Variants in LRP1B observed in about 807,000 individuals in gnomAD.
The protein encoded by LRP1B is low-density lipoprotein receptor-related protein 1B.
A neutral mutation model predicts 556.6 loss-of-function variants in LRP1B; 217 were observed. That is an observed-to-expected ratio of 0.39 (90% CI 0.35 to 0.44). LRP1B has a LOEUF of 0.44. Ranked by LOEUF, LRP1B falls within the 20% of genes least tolerant of loss-of-function variation. LRP1B has a pLI of 1.00. For missense variants in LRP1B, 5,053 were observed against 5,620.8 expected, an observed-to-expected ratio of 0.90 and a Z score of 3.23; for synonymous variants, 2,047 against 1,865.8, an observed-to-expected ratio of 1.10 and a Z score of -2.50.
At chr2:140,347,690 A>G (rs974125383) in intron 77 of LRP1B, among the ~76,000 whole-genome samples, 2 of 151,970 alleles carry the variant, frequency 1.3e-5, no homozygotes, top group African/African-American at 4.8e-5. Context: ...CTGACAATGG[A>G]GTTACAACTA....
intron 18 of LRP1B, among the ~76,000 whole-genome samples, chr2:140,961,268 T>G (rs1359081130): frequency 6.6e-6 from 1 of 152,020 alleles, no homozygotes; most frequent in Non-Finnish European, 1.5e-5. Context: ...TATCCTTCTA[T>G]TTGTCAAAAG....
chr2:140,444,576 A>C lies in LRP1B; in HGVS notation c.10161T>G (p.Asp3387Glu), dbSNP rs748486357. The change falls in exon 64 of 91, where the codon GAT becomes GAG. Residue 3387 changes from aspartate (D) to glutamate (E), a missense_variant. Asp to Glu is a conservative substitution (Grantham distance 45, BLOSUM62 2). Around this residue, in one of 5 missense-constraint regions of LRP1B, gnomAD observed 262 missense variants for 395.1 expected, o/e 0.66. Transcript: ENST00000389484. The stretch of plus-strand genomic sequence containing the variant: ...TTAATCACCTACCACAGTTGAGTTC[A>C]TCAGAATTGTCTCCACAATCATTCT... ...DGENDCGDNS[D>E]ELNCDTHVCL... is the part of the protein sequence containing the mutation. 6.2e-7 allele frequency: 1 copy of C among 1,613,610 alleles called. No individual in the cohort carries two copies. Among genetic ancestry groups the C allele is most frequent in the Non-Finnish European group, 8.5e-7 (1 of 1,179,656 alleles).
At chr2:140,835,052 T>C (rs1281818420) in intron 31 of LRP1B, among the ~76,000 whole-genome samples, 2 of 152,168 alleles carry the variant, frequency 1.3e-5, no homozygotes, top group East Asian at 3.8e-4. Context: ...CTTTTCTCAA[T>C]GGTTTTGAAA....
At chr2:141,169,304 AAAT>A (rs1290116764) in intron 7 of LRP1B, among the ~76,000 whole-genome samples, 3 of 147,012 alleles carry the variant, frequency 2.0e-5, no homozygotes, top group Non-Finnish European at 4.5e-5. Context: ...ATAAATAAAT[AAAT>A]AAATAAATAA....
intron 3 of LRP1B, among the ~76,000 whole-genome samples, chr2:141,346,918 G>T (rs766105835): frequency 3.5e-4 from 53 of 151,700 alleles, no homozygotes; most frequent in Non-Finnish European, 6.8e-4. Context: ...CATTCTTGTG[G>T]TTTTACTTCT....
chr2:141,538,435 G>A (rs527557064), intron 2 of LRP1B, among the ~76,000 whole-genome samples: 19 of 151,916 alleles, frequency 1.3e-4, no homozygotes, highest in Non-Finnish European at 2.6e-4. Flanking sequence ...AGCCTTTTTA[G>A]CTTTTTTAAT....
intron 7 of LRP1B, among the ~76,000 whole-genome samples, chr2:141,171,139 G>A (rs1253459238): frequency 1.3e-5 from 2 of 151,862 alleles, no homozygotes; most frequent in Non-Finnish European, 2.9e-5. Context: ...ATCTTGCCTT[G>A]GTGTGTTAAC....
At chr2:140,352,858 G>A (rs1682035159) in intron 76 of LRP1B, 95 bp downstream of exon 76, 1 of 1,198,974 alleles carries the variant, frequency 8.3e-7, no homozygotes, top group Non-Finnish European at 1.2e-6. Context: ...TATCAGAAAT[G>A]AAGCTGTTGC....
intron 2 of LRP1B, among the ~76,000 whole-genome samples, chr2:141,606,261 C>T (rs536432940): frequency 5.3e-5 from 8 of 152,140 alleles, no homozygotes; most frequent in Non-Finnish European, 1.0e-4. Flanking sequence ...AGATTGAACA[C>T]TGAAAATAAT....
At chr2:141,496,462 A>T (rs781213877) in intron 2 of LRP1B, among the ~76,000 whole-genome samples, 6 of 152,096 alleles carry the variant, frequency 3.9e-5, no homozygotes, top group Non-Finnish European at 8.8e-5. Flanking sequence ...GCCTCCTAAA[A>T]GTAGACTTAA....
intron 7 of LRP1B, among the ~76,000 whole-genome samples, chr2:141,172,384 T>C (rs143501239): frequency 0.015 from 2,236 of 152,186 alleles, 22 homozygotes; most frequent in Middle Eastern, 0.041. Flanking sequence ...AAGACCACTT[T>C]CCAGAAAATG....
At chr2:140,604,265 A>C (rs1456493904) in intron 41 of LRP1B, among the ~76,000 whole-genome samples, 1 of 151,026 alleles carries the variant, frequency 6.6e-6, no homozygotes, top group Non-Finnish European at 1.5e-5. Context: ...CCTCTTACCC[A>C]CTTTTGAGCA....
chr2:140,934,436 A>T (rs1443607741), intron 20 of LRP1B, among the ~76,000 whole-genome samples: 1 of 152,162 alleles, frequency 6.6e-6, no homozygotes. Flanking sequence ...CAACAATTGC[A>T]CTAGCAGGAT....
chr2:140,827,666 G>A (rs1030107814), intron 31 of LRP1B, among the ~76,000 whole-genome samples: 20 of 152,044 alleles, frequency 1.3e-4, no homozygotes, highest in African/African-American at 4.3e-4. Context: ...TAGCATATAA[G>A]GGAGTTGAGA....
At chr2:140,344,325 C>G (rs934404695) in intron 77 of LRP1B, among the ~76,000 whole-genome samples, 2 of 151,738 alleles carry the variant, frequency 1.3e-5, no homozygotes, top group East Asian at 3.9e-4. Flanking sequence ...ATGCCTGGCT[C>G]AAACCTAGGT....
At chr2:141,155,785 A>G (rs1702051355) in intron 7 of LRP1B, among the ~76,000 whole-genome samples, 1 of 152,190 alleles carries the variant, frequency 6.6e-6, no homozygotes, top group Non-Finnish European at 1.5e-5. Context: ...TATGTGATAC[A>G]ATTTTAAAAA....
chr2:140,406,995 C>T (rs1311261939), intron 66 of LRP1B, among the ~76,000 whole-genome samples: 2 of 151,940 alleles, frequency 1.3e-5, no homozygotes, highest in East Asian at 3.9e-4. Context: ...AAAATCGGCA[C>T]GTAGGCCAGT....
intron 1 of LRP1B, among the ~76,000 whole-genome samples, chr2:142,068,102 T>G (rs1194108819): frequency 6.6e-6 from 1 of 151,472 alleles, no homozygotes; most frequent in East Asian, 1.9e-4. Flanking sequence ...TGGGAAGATT[T>G]TTAAACATTC....
At chr2:141,572,601 T>C (rs181235424) in intron 2 of LRP1B, among the ~76,000 whole-genome samples, 451 of 152,224 alleles carry the variant, frequency 3.0e-3, no homozygotes, top group Non-Finnish European at 5.1e-3. Context: ...GAAATATAAA[T>C]GGCTAAATAC....
Sources: gnomAD v4.1 joint callset for allele counts (sites outside exome capture counted in the v4.1 genomes callset) on GRCh38, gnomAD v4.1.1 for gene constraint, gnomAD v4.1.1 regional missense constraint, MANE v1.5 for transcripts, NCBI Gene and HGNC (gene_info 2026-07-23, HGNC 2026-07-21) for gene names.